The following TRPC4 variants were observed in gnomAD, a reference collection of about 807,000 sequenced individuals.
TRPC4 encodes short transient receptor potential channel 4.
A neutral mutation model predicts 99.4 loss-of-function variants in TRPC4; 49 were observed. That is an observed-to-expected ratio of 0.49 (90% confidence interval 0.39 to 0.63). TRPC4 has a LOEUF of 0.63. Among genes scored for constraint, TRPC4 ranks in the 20% least tolerant of loss-of-function variants. The pLI is 0.00. For synonymous variants in TRPC4, 454 were observed against 425.9 expected (o/e 1.07, Z -0.81); for missense variants, 898 against 1,152.9 (o/e 0.78, Z 3.20).
intron 4 of TRPC4, among the ~76,000 whole-genome samples, chr13:37,686,676 G>A (rs958523010): frequency 6.6e-6 from 1 of 152,214 alleles, no homozygotes; most frequent in Non-Finnish European, 1.5e-5. Flanking sequence ...AAGTGTTATA[G>A]GCAAGTTGCA....
intron 1 of TRPC4, among the ~76,000 whole-genome samples, chr13:37,846,884 A>G (rs1479992328): frequency 6.6e-6 from 1 of 152,064 alleles, no homozygotes; most frequent in African/African-American, 2.4e-5. Context: ...TTTCCCACAA[A>G]TGGAAATTAA....
chr13:37,783,321 A>G lies in TRPC4; in HGVS notation c.13T>C (p.Tyr5His), dbSNP rs1956891882. MAQFYYKRNVNAPYR... is the reference protein window; with the variant it reads MAQFHYKRNVNAPYR... ...GGAGCATTAACATTTCTTTTGTAATAGAACTGAGCCATGTTTCATGCCATG... is the reference window on the plus strand; with the variant it reads ...GGAGCATTAACATTTCTTTTGTAATGGAACTGAGCCATGTTTCATGCCATG... Residue 5 changes from tyrosine to histidine, a missense_variant, in exon 2 of 11, where the codon TAT becomes CAT. This residue lies in a region of TRPC4 where 278 missense variants were observed against 346.6 expected (regional missense o/e 0.80). Transcript: ENST00000379705. 1 of 1,568,406 alleles carries G rather than the reference A, an allele frequency of 6.4e-7. No homozygotes were observed. Among genetic ancestry groups the G allele is most frequent in the Non-Finnish European group, 8.6e-7 (1 of 1,159,338 alleles).
rs139637183 is a variant in TRPC4 at position 37,855,296 on chromosome 13, G to GATATATATATAT, written c.-28+14287_-28+14298dup. ...CAATCCAGCAACAGGATACAATGTA[G>GATATATATATAT]ATATATATATATATATACACATGTA... On this transcript the variant is annotated intron_variant, in intron 1 of 10. Coordinates refer to ENST00000379705, the MANE Select transcript of TRPC4 (RefSeq NM_016179.4). Among the ~76,000 whole-genome samples the GATATATATATAT allele has an allele frequency of 9.6e-3, 1,345 of 140,426 alleles. 20 individuals are homozygous for GATATATATATAT. Among genetic ancestry groups the GATATATATATAT allele is most frequent in the African/African-American group, 0.034 (1,276 of 37,542 alleles). The allele number at this position is 140,426 out of a possible 152,430, so 92.1% of individuals were successfully genotyped here.
chr13:37,846,808 TATAAG>T (rs1566219783), intron 1 of TRPC4, among the ~76,000 whole-genome samples: 1 of 152,050 alleles, frequency 6.6e-6, no homozygotes, highest in Non-Finnish European at 1.5e-5. Context: ...CATATTTTCT[TATAAG>T]AGACTCACTT....
At chr13:37,665,102 G>A (rs1345985084) in intron 5 of TRPC4, among the ~76,000 whole-genome samples, 1 of 152,048 alleles carries the variant, frequency 6.6e-6, no homozygotes, top group Non-Finnish European at 1.5e-5. Flanking sequence ...AAGTGTCAGA[G>A]TGAAACTTGG....
At chr13:37,810,263 GATT>G (rs879756150) in intron 1 of TRPC4, among the ~76,000 whole-genome samples, 4 of 151,888 alleles carry the variant, frequency 2.6e-5, no homozygotes, top group Admixed American at 2.0e-4. Context: ...AATGTTATTT[GATT>G]ATTATTATTC....
chr13:37,728,476 T>C (rs775869036), intron 3 of TRPC4, among the ~76,000 whole-genome samples: 5 of 151,938 alleles, frequency 3.3e-5, no homozygotes, highest in Admixed American at 1.3e-4. Context: ...ACCTTAACCA[T>C]GGATGTAAAA....
chr13:37,637,923 A>G (rs1011307102), intron 10 of TRPC4, among the ~76,000 whole-genome samples: 3 of 152,120 alleles, frequency 2.0e-5, no homozygotes, highest in African/African-American at 7.2e-5. Flanking sequence ...CTGGGACTAC[A>G]GTTTCTCTCC....
chr13:37,636,960 A>G lies in TRPC4; in HGVS notation c.2877T>C (p.Tyr959=), dbSNP rs1459494713. 2 of 1,613,490 alleles carry G rather than the reference A, an allele frequency of 1.2e-6. No individual in the cohort carries two copies. Among genetic ancestry groups the G allele is most frequent in the Non-Finnish European group, 1.7e-6 (2 of 1,179,682 alleles). The change falls in exon 11 of 11, where the codon TAT becomes TAC. Residue 959 remains tyrosine, a synonymous_variant. Transcript: ENST00000379705. ...TGACTGTGTCTGGGAGGTTTAGATC[A>G]TAGTCTATACTAGAGTCCTCTTCTT... is the stretch of plus-strand genomic sequence containing the variant. ...HAKEEDSSID[Y]DLNLPDTVTH... is the part of the protein sequence containing the mutation.
rs1322008677 is a variant in TRPC4 at position 37,730,196 on chromosome 13, T to TA, written c.897+15740dup. ...AAAATGTAGCAGATTAGGCCTATTTTAAAAAACACATTAGTATATTTTTAC... is the reference window on the plus strand; with the variant it reads ...AAAATGTAGCAGATTAGGCCTATTTTAAAAAAACACATTAGTATATTTTTAC... On this transcript the variant is annotated intron_variant, in intron 3 of 10. Coordinates refer to ENST00000379705, the MANE Select transcript of TRPC4 (RefSeq NM_016179.4). Among the ~76,000 whole-genome samples the TA allele has an allele frequency of 2.0e-4, 30 of 152,088 alleles. No homozygotes were observed. The East Asian group carries it at 5.6e-3, about 28-fold the overall frequency.
intron 5 of TRPC4, among the ~76,000 whole-genome samples, chr13:37,665,608 G>T (rs915857960): frequency 6.6e-6 from 1 of 152,092 alleles, no homozygotes; most frequent in Admixed American, 6.6e-5. Context: ...TGGGAATAGG[G>T]AAGAGGAAGT....
intron 1 of TRPC4, among the ~76,000 whole-genome samples, chr13:37,836,738 A>G (rs926579444): frequency 2.6e-5 from 4 of 152,240 alleles, no homozygotes; most frequent in Non-Finnish European, 4.4e-5. Context: ...GTTAGAAAAG[A>G]AAATCCCATT....
chr13:37,816,440 T>A (rs1164784360), intron 1 of TRPC4, among the ~76,000 whole-genome samples: 1 of 151,942 alleles, frequency 6.6e-6, no homozygotes, highest in Non-Finnish European at 1.5e-5. Context: ...TATACATTCT[T>A]CTCATCGTGA....
chr13:37,744,417 G>A (rs1046594192), intron 3 of TRPC4, among the ~76,000 whole-genome samples: 3 of 152,142 alleles, frequency 2.0e-5, no homozygotes, highest in Admixed American at 6.6e-5. Flanking sequence ...TAATACTGCT[G>A]ACAAGGACTC....
At chr13:37,849,980 A>G (rs763975913) in intron 1 of TRPC4, among the ~76,000 whole-genome samples, 18 of 152,272 alleles carry the variant, frequency 1.2e-4, no homozygotes, top group African/African-American at 3.9e-4. Context: ...AAGCTGCAAC[A>G]ATACTGATGG....
chr13:37,663,102 A>C (rs1952505622), intron 6 of TRPC4, among the ~76,000 whole-genome samples: 2 of 152,210 alleles, frequency 1.3e-5, no homozygotes, highest in South Asian at 4.1e-4. Flanking sequence ...ATGTACTTGT[A>C]AGCTTTTGTA....
In TRPC4 at chr13:37,781,604, A is replaced by T. The variant is rs192584301; in HGVS notation, c.378+1352T>A. On this transcript the variant is annotated intron_variant, in intron 2 of 10. Transcript: ENST00000379705. ...AAGGCTTGTTCACGTTTGAAAGAATACAAGAAACAAGCAAATTTTTGTAGC... is the reference window on the plus strand; with the variant it reads ...AAGGCTTGTTCACGTTTGAAAGAATTCAAGAAACAAGCAAATTTTTGTAGC... 2.6e-3 allele frequency among the ~76,000 whole-genome samples: 395 copies of T among 152,242 alleles called. 2 individuals are homozygous for T. The highest frequency in any genetic ancestry group is 9.0e-3 in the African/African-American group (374 of 41,566).
intron 1 of TRPC4, among the ~76,000 whole-genome samples, chr13:37,817,217 A>G (rs1027353355): frequency 1.3e-5 from 2 of 152,062 alleles, no homozygotes; most frequent in Non-Finnish European, 2.9e-5. Flanking sequence ...TAACATTCCC[A>G]TAAACAAACA....
chr13:37,638,953 G>T, intron 10 of TRPC4, 87 bp downstream of exon 10: 1 of 1,360,664 alleles, frequency 7.3e-7, no homozygotes, highest in Non-Finnish European at 1.0e-6. Context: ...ACACACAGCT[G>T]CATTTCCAGC....
Sources: allele counts gnomAD v4.1 joint callset (sites outside exome capture counted in the v4.1 genomes callset), GRCh38; gene constraint gnomAD v4.1.1; regional missense constraint gnomAD v4.1.1; transcripts MANE v1.5; gene names NCBI Gene and HGNC (gene_info 2026-07-23, HGNC 2026-07-21).